ERC2: variants seen among roughly 807,000 people sequenced by gnomAD.
The protein encoded by ERC2 is ERC protein 2.
A neutral mutation model predicts 114.8 loss-of-function variants in ERC2; 42 were observed. The observed-to-expected ratio is 0.37, with a 90% CI of 0.29 to 0.47. The LOEUF (loss-of-function observed/expected upper bound fraction) is 0.47, where lower values mean the gene tolerates loss of function less well. Among genes scored for constraint, ERC2 ranks in the 20% least tolerant of loss-of-function variants. The pLI, the probability that ERC2 is intolerant of heterozygous loss-of-function variation, is 0.99. For synonymous variants in ERC2, 454 were observed against 425.5 expected (o/e 1.07, Z -0.82); for missense variants, 939 against 1,150.7 (o/e 0.82, Z 2.66).
intron 17 of ERC2, among the ~76,000 whole-genome samples, chr3:55,512,091 G>A (rs1054027683): frequency 4.6e-5 from 7 of 152,156 alleles, no homozygotes; most frequent in Non-Finnish European, 7.3e-5. Flanking sequence ...ACACACACTC[G>A]TGTACACACA....
At chr3:56,421,652 T>C (rs1164098595) in intron 2 of ERC2, among the ~76,000 whole-genome samples, 1 of 152,114 alleles carries the variant, frequency 6.6e-6, no homozygotes, top group Non-Finnish European at 1.5e-5. Context: ...ATAAGAGTGA[T>C]AGAGATGTGT....
At chr3:56,001,668 G>A (rs1226289633) in intron 10 of ERC2, among the ~76,000 whole-genome samples, 1 of 152,138 alleles carries the variant, frequency 6.6e-6, no homozygotes, top group African/African-American at 2.4e-5. Context: ...AAAGCTAACT[G>A]AGAGTTATTT....
At chr3:56,353,735 C>T (rs1357504549) in intron 2 of ERC2, among the ~76,000 whole-genome samples, 2 of 151,562 alleles carry the variant, frequency 1.3e-5, no homozygotes, top group Non-Finnish European at 2.9e-5. Flanking sequence ...AGCACGCCAA[C>T]ATGGCACATG....
At chr3:55,847,950 C>A (rs560860573) in intron 14 of ERC2, among the ~76,000 whole-genome samples, 3 of 152,068 alleles carry the variant, frequency 2.0e-5, no homozygotes, top group Admixed American at 6.5e-5. Flanking sequence ...AGATGTGCCA[C>A]CACGCCTGGC....
chr3:55,589,491 T>C (rs2057766356), intron 17 of ERC2, among the ~76,000 whole-genome samples: 1 of 152,154 alleles, frequency 6.6e-6, no homozygotes, highest in African/African-American at 2.4e-5. Context: ...ACAACTTGCA[T>C]AACCATGAGT....
chr3:55,638,155 CT>C (rs1377568002), intron 17 of ERC2, among the ~76,000 whole-genome samples: 7 of 152,224 alleles, frequency 4.6e-5, no homozygotes, highest in African/African-American at 1.7e-4. Flanking sequence ...CTCTTTCCCC[CT>C]GACCATGTTC....
intron 2 of ERC2, among the ~76,000 whole-genome samples, chr3:56,347,137 G>T (rs956811642): frequency 1.3e-5 from 2 of 152,194 alleles, no homozygotes; most frequent in Non-Finnish European, 2.9e-5. Flanking sequence ...AAAACCTGGA[G>T]ACCACAAGAA....
intron 12 of ERC2, among the ~76,000 whole-genome samples, chr3:55,984,047 G>T (rs2070376255): frequency 6.6e-6 from 1 of 152,172 alleles, no homozygotes; most frequent in Non-Finnish European, 1.5e-5. Flanking sequence ...TATAACCAGA[G>T]ATGATTATTC....
intron 14 of ERC2, among the ~76,000 whole-genome samples, chr3:55,815,380 A>C (rs747127361): frequency 1.5e-4 from 23 of 152,214 alleles, no homozygotes; most frequent in Non-Finnish European, 3.2e-4. Flanking sequence ...ATCCTGGATT[A>C]TTCTGGCGGG....
At chr3:55,641,288 G>A (rs1016334178) in intron 17 of ERC2, among the ~76,000 whole-genome samples, 9 of 152,026 alleles carry the variant, frequency 5.9e-5, no homozygotes, top group South Asian at 2.1e-4. Flanking sequence ...GGTGGCTCAC[G>A]TCTGTAATGC....
intron 6 of ERC2, among the ~76,000 whole-genome samples, chr3:56,129,951 GT>G (rs2080107543): frequency 6.6e-6 from 1 of 152,094 alleles, no homozygotes; most frequent in South Asian, 2.1e-4. Context: ...AAATTCTTTT[GT>G]TCCACTGGAA....
chr3:56,227,722 C>A (rs2050343589), intron 3 of ERC2, among the ~76,000 whole-genome samples: 1 of 152,132 alleles, frequency 6.6e-6, no homozygotes, highest in Non-Finnish European at 1.5e-5. Flanking sequence ...ATCAGGAAAA[C>A]CACTGGGAAA....
chr3:55,902,717 A>G (rs1277615654), intron 13 of ERC2, among the ~76,000 whole-genome samples: 3 of 152,116 alleles, frequency 2.0e-5, no homozygotes, highest in African/African-American at 7.2e-5. Context: ...AGGGAAGGAG[A>G]CTGCTTTCTG....
chr3:55,871,289 G>A (rs894693009), intron 14 of ERC2, among the ~76,000 whole-genome samples: 43 of 152,308 alleles, frequency 2.8e-4, no homozygotes, highest in Admixed American at 1.1e-3. Flanking sequence ...TCCAGAGCAA[G>A]CAACCATGAA....
intron 3 of ERC2, among the ~76,000 whole-genome samples, chr3:56,176,826 T>G (rs571725553): frequency 1.3e-5 from 2 of 152,200 alleles, no homozygotes; most frequent in Non-Finnish European, 2.9e-5. Flanking sequence ...TACAATAGAG[T>G]TGTTGCTAGG....
At chr3:55,614,672 G>A (rs1368884158) in intron 17 of ERC2, among the ~76,000 whole-genome samples, 26 of 152,168 alleles carry the variant, frequency 1.7e-4, no homozygotes. Flanking sequence ...AAAGACAAAT[G>A]TGCTCACTCT....
At chr3:56,195,231 A>C (rs2150079273) in intron 3 of ERC2, among the ~76,000 whole-genome samples, 1 of 152,310 alleles carries the variant, frequency 6.6e-6, no homozygotes, top group South Asian at 2.1e-4. Context: ...ACTAATAGGA[A>C]GGTGGCATAG....
intron 2 of ERC2, among the ~76,000 whole-genome samples, chr3:56,356,689 CAAGTG>C (rs2058757069): frequency 6.6e-6 from 1 of 152,114 alleles, no homozygotes; most frequent in African/African-American, 2.4e-5. Context: ...GGTCCAAATC[CAAGTG>C]AACCTCCTCT....
chr3:55,809,998 C>T (rs1243794731), intron 14 of ERC2, among the ~76,000 whole-genome samples: 3 of 152,140 alleles, frequency 2.0e-5, no homozygotes, highest in Admixed American at 6.5e-5. Context: ...TTAAATAATC[C>T]ACGATGACAA....
Sources: allele counts gnomAD v4.1 joint callset (sites outside exome capture counted in the v4.1 genomes callset), GRCh38; gene constraint gnomAD v4.1.1; transcripts MANE v1.5; gene names NCBI Gene and HGNC (gene_info 2026-07-23, HGNC 2026-07-21).